The following SSH1 variants were observed in gnomAD, a reference collection of about 807,000 sequenced individuals.
The protein encoded by SSH1 is slingshot protein phosphatase 1.
In SSH1, 43 loss-of-function variants were observed where a neutral mutation model predicts 79.7. The ratio of observed to expected loss-of-function variants is 0.54; its 90% confidence interval spans 0.42 to 0.70. SSH1 has a LOEUF of 0.70. Ranked by LOEUF, SSH1 falls within the 30% of genes least tolerant of loss-of-function variation. The pLI, the probability that SSH1 is intolerant of heterozygous loss-of-function variation, is 0.00. For synonymous variants in SSH1, 599 were observed against 538.3 expected, an observed-to-expected ratio of 1.11 and a Z score of -1.56; for missense variants, 1,206 against 1,358.8, an observed-to-expected ratio of 0.89 and a Z score of 1.77.
At chr12:108,811,376 C>T (rs777224194) in intron 5 of SSH1, 48 bp from the exon 6 acceptor site, 8 of 1,569,754 alleles carry the variant, frequency 5.1e-6, no homozygotes, top group Admixed American at 1.7e-5. Flanking sequence ...TACCCACCTA[C>T]GTGTACAGCC....
intron 2 of SSH1, among the ~76,000 whole-genome samples, chr12:108,836,026 AT>A (rs1335847172): frequency 2.8e-5 from 4 of 145,260 alleles, no homozygotes; most frequent in African/African-American, 9.9e-5. Flanking sequence ...TATTAATATA[AT>A]CGATTATATT....
chr12:108,808,172 A>C (rs2037383901), intron 7 of SSH1, among the ~76,000 whole-genome samples: 1 of 152,178 alleles, frequency 6.6e-6, no homozygotes, highest in Non-Finnish European at 1.5e-5. Context: ...TCCTAGCCTC[A>C]AGTGATCTGC....
intron 5 of SSH1, among the ~76,000 whole-genome samples, chr12:108,813,031 TA>T (rs904252846): frequency 1.6e-4 from 25 of 151,844 alleles, no homozygotes; most frequent in Non-Finnish European, 3.4e-4. Flanking sequence ...CCCAGCTTTT[TA>T]AAAAAAACTT....
Position 108,788,439 on chromosome 12 carries a change from G to A in SSH1, c.2699C>T (p.Pro900Leu). 6.3e-7 allele frequency: 1 copy of A among 1,578,668 alleles called. No homozygotes were observed. Residue 900 changes from proline (P) to leucine (L), a missense_variant, in exon 15 of 15, where the codon CCT becomes CTT. Transcript: ENST00000326495. ...LEGGSLKSPPPFFYRLDHTSS... is the reference protein window; with the variant it reads ...LEGGSLKSPPLFFYRLDHTSS... ...GGTGTGGTCCAGGCGGTAGAAGAAA[G>A]GAGGGGGGCTCTTCAGTGAGCCTCC...
At position 108,827,466 on chromosome 12, in the gene SSH1, G is replaced by A. The variant is rs1479780545; in HGVS notation, c.111-4105C>T. 4 of 1,296,524 alleles carry A rather than the reference G, an allele frequency of 3.1e-6. No homozygotes were observed. In the African/African-American group the frequency reaches 4.6e-5, roughly 15 times the overall value. 80.3% of individuals were successfully genotyped at this position (1,296,524 alleles called of 1,614,324 possible). On this transcript the variant is annotated intron_variant, in intron 2 of 14. Transcript: ENST00000326495. ...TGCCGAGTGCTTCCACGAGGGCTGG[G>A]GAGCCAACTCCTCCTCAGAGTCCTA...
In SSH1 at chr12:108,836,855, G is replaced by GT. The variant is rs1271455859; in HGVS notation, c.111-13495dup. Reference sequence around the variant, plus strand: ...TGGGTGATGTTCCAGCCAAATACACGTGCCCGGTGGAATCACACAAGAACA... The same window carrying GT: ...TGGGTGATGTTCCAGCCAAATACACGTTGCCCGGTGGAATCACACAAGAACA... On this transcript the variant is annotated intron_variant, in intron 2 of 14. Coordinates refer to ENST00000326495, the MANE Select transcript of SSH1 (RefSeq NM_018984.4). 3 of 518,686 alleles carry GT rather than the reference G, an allele frequency of 5.8e-6. No homozygotes were observed. The African/African-American group carries it at 5.8e-5, about 10-fold the overall frequency. The allele number at this position is 518,686 out of a possible 1,614,324, so 32.1% of individuals were successfully genotyped here. A position where few individuals can be genotyped will look rare whatever the true frequency, so the allele number is the denominator to read the frequency against.
intron 2 of SSH1, among the ~76,000 whole-genome samples, chr12:108,825,367 G>A (rs939768777): frequency 6.6e-6 from 1 of 152,194 alleles, no homozygotes; most frequent in African/African-American, 2.4e-5. Context: ...AAAGTCTAAA[G>A]TATGACTCTG....
intron 2 of SSH1, among the ~76,000 whole-genome samples, chr12:108,839,121 T>C (rs1031543263): frequency 1.5e-4 from 23 of 152,198 alleles, no homozygotes; most frequent in African/African-American, 5.1e-4. Context: ...TCCCTGGCAT[T>C]TGGCAAAGAA....
chr12:108,826,530 G>A (rs1177828923), intron 2 of SSH1: 1 of 127,096 alleles, frequency 7.9e-6, no homozygotes, highest in Admixed American at 9.1e-5. Flanking sequence ...CGCACGACAT[G>A]ACTCTCCGGG....
chr12:108,788,850 T>G lies in SSH1; in HGVS notation c.2288A>C (p.Asp763Ala), dbSNP rs1021106028. 1.9e-6 allele frequency: 3 copies of G among 1,614,118 alleles called. No homozygotes were observed. The highest frequency in any genetic ancestry group is 2.5e-6 in the Non-Finnish European group (3 of 1,180,050). ...KSLLLKNSHC[D>A]KNPPSTEVVI... is the part of the protein sequence containing the mutation. ...CACTTCTGTGCTGGGAGGGTTCTTATCACAGTGAGAATTCTTCAAAAGGAG... is the reference window on the plus strand; with the variant it reads ...CACTTCTGTGCTGGGAGGGTTCTTAGCACAGTGAGAATTCTTCAAAAGGAG... Residue 763 changes from aspartate to alanine, a missense_variant, in exon 15 of 15, where the codon GAT becomes GCT. Asp to Ala is a moderately radical substitution (Grantham distance 126). This residue lies in a region of SSH1 where 709 missense variants were observed against 730.6 expected (regional missense o/e 0.97). Transcript: ENST00000326495.
At chr12:108,848,179 A>G (rs762281042) in intron 2 of SSH1, among the ~76,000 whole-genome samples, 13 of 152,108 alleles carry the variant, frequency 8.5e-5, no homozygotes, top group Non-Finnish European at 1.8e-4. Flanking sequence ...GGTAGAGAGG[A>G]TGGGTCTGAG....
At chr12:108,796,051 G>A (rs971518556) in intron 13 of SSH1, among the ~76,000 whole-genome samples, 1 of 150,660 alleles carries the variant, frequency 6.6e-6, no homozygotes, top group Non-Finnish European at 1.5e-5. Context: ...AAGTAGCTGG[G>A]ATTACAGGTG....
chr12:108,789,523 A>C (rs1477121306), intron 14 of SSH1, among the ~76,000 whole-genome samples: 1 of 152,172 alleles, frequency 6.6e-6, no homozygotes, highest in African/African-American at 2.4e-5. Flanking sequence ...GATCTAAGTG[A>C]ACGTGACACA....
At chr12:108,792,214 G>T (rs772890745) in intron 14 of SSH1, 72 bp downstream of exon 14, 22 of 1,611,594 alleles carry the variant, frequency 1.4e-5, no homozygotes, top group Non-Finnish European at 1.9e-5. Flanking sequence ...CTACTACAGA[G>T]GCTGAGGTAG....
rs1489176472 is a variant in SSH1 at position 108,802,312 on chromosome 12, GGA to G, written c.1001+8_1001+9del. The stretch of plus-strand genomic sequence containing the variant: ...GGAAGGACAGGGAAAGACAAGGGGA[GGA>G]GACTCACCCTGAGCCCTGCAGTTCC... On this transcript the variant is annotated splice_region_variant and intron_variant, in intron 11 of 14. Transcript: ENST00000326495. The G allele has an allele frequency of 6.2e-7, 1 of 1,613,440 alleles. No individual in the cohort carries two copies. Among genetic ancestry groups the G allele is most frequent in the South Asian group, 1.1e-5 (1 of 91,024 alleles).
rs765032647 is a variant in SSH1, at chr12:108,805,197, AAAT to A, written c.826-16_826-14del. 6.2e-7 allele frequency: 1 copy of A among 1,607,224 alleles called. No individual in the cohort carries two copies. Among genetic ancestry groups the A allele is most frequent in the East Asian group, 2.2e-5 (1 of 44,724 alleles). The stretch of plus-strand genomic sequence containing the variant: ...ATTCATTACGAATCTGTGGAGTAGA[AAAT>A]ATTAGGAAAAGTGATTTGTTAAAGA... On this transcript the variant is annotated splice_polypyrimidine_tract_variant and intron_variant, in intron 9 of 14. Transcript: ENST00000326495.
intron 2 of SSH1, among the ~76,000 whole-genome samples, chr12:108,838,530 G>A (rs377022374): frequency 2.6e-5 from 4 of 152,220 alleles, no homozygotes; most frequent in East Asian, 1.9e-4. Context: ...TGAAGGGCAC[G>A]CGAAGCCAGG....
chr12:108,837,272 C>T (rs2038659293), intron 2 of SSH1, among the ~76,000 whole-genome samples: 2 of 151,994 alleles, frequency 1.3e-5, no homozygotes, highest in Admixed American at 1.3e-4. Context: ...CCACAAGAGT[C>T]AAAGAAAGAC....
chr12:108,803,785 G>A (rs2037137454), intron 10 of SSH1, among the ~76,000 whole-genome samples: 2 of 152,090 alleles, frequency 1.3e-5, no homozygotes, highest in Admixed American at 1.3e-4. Context: ...GCCCAGGACT[G>A]CCCACACTTT....
Sources: allele counts gnomAD v4.1 joint callset (sites outside exome capture counted in the v4.1 genomes callset), GRCh38; gene constraint gnomAD v4.1.1; regional missense constraint gnomAD v4.1.1; transcripts MANE v1.5; gene names NCBI Gene and HGNC (gene_info 2026-07-23, HGNC 2026-07-21).